MELK: variants seen among roughly 807,000 people sequenced by gnomAD.
MELK encodes pEg3 kinase.
A neutral mutation model predicts 85.0 loss-of-function variants in MELK; 81 were observed. The ratio of observed to expected loss-of-function variants is 0.95; its 90% CI spans 0.80 to 1.15. The LOEUF is 1.15. Among genes scored for constraint, MELK ranks in the 50% most tolerant of loss-of-function variants. MELK has a pLI of 0.00. For missense variants in MELK, 754 were observed against 777.5 expected (o/e 0.97, Z 0.36); for synonymous variants, 252 against 265.0 (o/e 0.95, Z 0.48).
chr9:36,625,512 C>G (rs1226437277), intron 8 of MELK, among the ~76,000 whole-genome samples: 2 of 152,166 alleles, frequency 1.3e-5, no homozygotes, highest in African/African-American at 4.8e-5. Context: ...ACCCCTCCTT[C>G]CCAGGGATAG....
intron 7 of MELK, among the ~76,000 whole-genome samples, chr9:36,607,298 A>G (rs1825652039): frequency 6.6e-6 from 1 of 152,160 alleles, no homozygotes; most frequent in Admixed American, 6.5e-5. Flanking sequence ...CCTACTGGAA[A>G]TTATTTTCTG....
At chr9:36,660,015 T>A (rs1332040052) in intron 13 of MELK, among the ~76,000 whole-genome samples, 1 of 152,306 alleles carries the variant, frequency 6.6e-6, no homozygotes, top group East Asian at 1.9e-4. Flanking sequence ...GTCAGGCTGG[T>A]CTCGAACTGC....
intron 11 of MELK, among the ~76,000 whole-genome samples, chr9:36,649,208 T>C (rs4879997): frequency 0.9 from 137,168 of 152,016 alleles, 61,936 homozygotes; most frequent in Admixed American, 0.92. Context: ...CCTGGTGGGC[T>C]AGGTGCGGCG....
intron 11 of MELK, among the ~76,000 whole-genome samples, chr9:36,643,383 C>CA (rs1038810540): frequency 1.3e-5 from 2 of 150,916 alleles, no homozygotes; most frequent in African/African-American, 4.9e-5. Context: ...AACTCCATCT[C>CA]AAAAAAAGAA....
At chr9:36,644,944 T>G (rs1830092039) in intron 11 of MELK, among the ~76,000 whole-genome samples, 1 of 152,106 alleles carries the variant, frequency 6.6e-6, no homozygotes, top group South Asian at 2.1e-4. Context: ...TGGTATGAGA[T>G]CTACAAACTT....
chr9:36,670,171 C>T (rs964616916), intron 15 of MELK, among the ~76,000 whole-genome samples: 2 of 152,018 alleles, frequency 1.3e-5, no homozygotes, highest in Non-Finnish European at 2.9e-5. Flanking sequence ...GAACATTATC[C>T]GTTAGTATTT....
At chr9:36,586,054 A>G (rs1217136977) in intron 3 of MELK, among the ~76,000 whole-genome samples, 1 of 152,134 alleles carries the variant, frequency 6.6e-6, no homozygotes, top group African/African-American at 2.4e-5. Flanking sequence ...AAATAAGTCA[A>G]AGGGAGCCAG....
At chr9:36,659,551 A>G (rs1831590589) in intron 13 of MELK, among the ~76,000 whole-genome samples, 1 of 152,148 alleles carries the variant, frequency 6.6e-6, no homozygotes. Flanking sequence ...TTATAATATC[A>G]TATTTTTACT....
At chr9:36,674,613 G>A (rs1323167204) in intron 16 of MELK, among the ~76,000 whole-genome samples, 1 of 152,156 alleles carries the variant, frequency 6.6e-6, no homozygotes, top group African/African-American at 2.4e-5. Context: ...GTATGAAAAG[G>A]AAGCTATGGG....
chr9:36,588,629 T>G (rs575000688), intron 3 of MELK, among the ~76,000 whole-genome samples: 47 of 152,282 alleles, frequency 3.1e-4, no homozygotes, highest in African/African-American at 1.1e-3. Flanking sequence ...TCCGCCCACC[T>G]TAGCCTCCCA....
chr9:36,605,848 T>A (rs2135771286), intron 7 of MELK, among the ~76,000 whole-genome samples: 1 of 146,192 alleles, frequency 6.8e-6, no homozygotes, highest in South Asian at 2.1e-4. Context: ...CCTCTTTTTC[T>A]TTTTTTGCTC....
intron 10 of MELK, among the ~76,000 whole-genome samples, chr9:36,635,473 A>G (rs1829039814): frequency 1.3e-5 from 2 of 152,142 alleles, no homozygotes; most frequent in Admixed American, 1.3e-4. Context: ...CATGTTGGCC[A>G]GGCTGGTCTT....
At chr9:36,631,572 C>CT (rs907919262) in intron 9 of MELK, among the ~76,000 whole-genome samples, 6 of 151,454 alleles carry the variant, frequency 4.0e-5, no homozygotes, top group African/African-American at 4.9e-5. Context: ...AGCCTGGCCT[C>CT]TTTTTTTAAA....
intron 8 of MELK, among the ~76,000 whole-genome samples, chr9:36,628,116 G>A (rs1424289037): frequency 6.6e-6 from 1 of 150,576 alleles, no homozygotes; most frequent in Non-Finnish European, 1.5e-5. Flanking sequence ...GGTCAGGCTG[G>A]TCTCAAACTC....
intron 12 of MELK, among the ~76,000 whole-genome samples, chr9:36,652,491 G>A (rs1451579074): frequency 1.3e-5 from 2 of 150,916 alleles, no homozygotes; most frequent in Admixed American, 1.3e-4. Context: ...CAGCACTTTG[G>A]GAGGCCAAGG....
At chr9:36,578,131 A>G (rs914736604) in intron 1 of MELK, among the ~76,000 whole-genome samples, 3 of 152,106 alleles carry the variant, frequency 2.0e-5, no homozygotes, top group African/African-American at 4.8e-5. Context: ...TAGGTTTGGT[A>G]TGGGGAAGAC....
At chr9:36,663,835 A>C (rs573481541) in intron 13 of MELK, among the ~76,000 whole-genome samples, 1 of 152,210 alleles carries the variant, frequency 6.6e-6, no homozygotes, top group South Asian at 2.1e-4. Context: ...ATTGTGAATA[A>C]GTACTGAGAT....
intron 10 of MELK, among the ~76,000 whole-genome samples, chr9:36,642,524 G>A (rs1208505605): frequency 6.7e-6 from 1 of 149,612 alleles, no homozygotes; most frequent in Admixed American, 6.7e-5. Flanking sequence ...CGCCTCCTGG[G>A]TTCAAGTGAT....
chr9:36,625,275 A>G (rs1476562878), intron 8 of MELK, among the ~76,000 whole-genome samples: 2 of 152,138 alleles, frequency 1.3e-5, no homozygotes, highest in Non-Finnish European at 2.9e-5. Flanking sequence ...TCCACTCTCT[A>G]TGGGACCCTG....
Sources: allele counts gnomAD v4.1 joint callset (sites outside exome capture counted in the v4.1 genomes callset), GRCh38; gene constraint gnomAD v4.1.1; transcripts MANE v1.5; gene names NCBI Gene and HGNC (gene_info 2026-07-23, HGNC 2026-07-21).